The following VAV3 variants were observed in gnomAD, a reference collection of about 807,000 sequenced individuals.
VAV3 encodes guanine nucleotide exchange factor VAV3.
Under a neutral mutation model 131.2 loss-of-function variants are expected in VAV3, and 94 were observed. That is an observed-to-expected ratio of 0.72 (90% CI 0.61 to 0.85). The LOEUF is 0.85. Ranked by LOEUF, VAV3 falls within the 40% of genes least tolerant of loss-of-function variation. The probability of loss-of-function intolerance (pLI) is 0.00; values close to 1 mark genes in which losing one functional copy is unlikely to be tolerated. For synonymous variants in VAV3, 349 were observed against 342.0 expected (o/e 1.02, Z -0.22); for missense variants, 939 against 1,002.7 (o/e 0.94, Z 0.86).
intron 2 of VAV3, chr1:107,785,606 G>A: frequency 8.7e-7 from 1 of 1,152,414 alleles, no homozygotes; most frequent in Middle Eastern, 3.6e-4. Context: ...AGGCACAGAT[G>A]TTGCATCCTG....
chr1:107,656,877 C>G (rs547926583), intron 19 of VAV3, among the ~76,000 whole-genome samples: 1 of 151,372 alleles, frequency 6.6e-6, no homozygotes, highest in East Asian at 1.9e-4. Flanking sequence ...AGCCTAACTT[C>G]TGACCTCAGC....
chr1:107,764,527 AT>A (rs1176921139), intron 9 of VAV3, among the ~76,000 whole-genome samples: 1 of 151,928 alleles, frequency 6.6e-6, no homozygotes, highest in Non-Finnish European at 1.5e-5. Flanking sequence ...CATCTTTTTT[AT>A]TTTGTTTTTG....
chr1:107,617,630 G>T lies in VAV3; in HGVS notation c.1917C>A (p.Gly639=), dbSNP rs1653257616. 10 of 1,588,938 alleles carry T rather than the reference G, an allele frequency of 6.3e-6. No homozygotes were observed. In the East Asian group the frequency reaches 2.0e-4, roughly 32 times the overall value. ...CAACCTCTCCAGATGCTAAATTTCT[G>T]CCCTAAGGAAAAAAAAAAAATGCCA... ...KGDAHSLFWQ[G]RNLASGEVGF... Residue 639 remains glycine (G), a splice_region_variant and synonymous_variant, in exon 21 of 27, where the codon GGC becomes GGA. Transcript: ENST00000370056.
At chr1:107,944,236 C>T (rs999817993) in intron 1 of VAV3, among the ~76,000 whole-genome samples, 2 of 152,194 alleles carry the variant, frequency 1.3e-5, no homozygotes, top group African/African-American at 4.8e-5. Flanking sequence ...TCTACTTACC[C>T]TCTCCCCATG....
chr1:107,847,173 C>T lies in VAV3; in HGVS notation c.321+27728G>A, dbSNP rs370193640. 2.0e-5 allele frequency among the ~76,000 whole-genome samples: 3 copies of T among 152,276 alleles called. No homozygotes were observed. In the East Asian group the frequency reaches 5.8e-4, roughly 29 times the overall value. On this transcript the variant is annotated intron_variant, in intron 2 of 26. Transcript: ENST00000370056. ...CAAACAACCTGCTCCTGAACGACTACTGGGTAAATAACGAAATTAAGGCCA... is the reference window on the plus strand; with the variant it reads ...CAAACAACCTGCTCCTGAACGACTATTGGGTAAATAACGAAATTAAGGCCA...
chr1:107,888,853 C>A (rs1194112113), intron 1 of VAV3, among the ~76,000 whole-genome samples: 1 of 152,006 alleles, frequency 6.6e-6, no homozygotes, highest in Admixed American at 6.6e-5. Flanking sequence ...TATATTTCTA[C>A]CTAATTGATA....
intron 25 of VAV3, among the ~76,000 whole-genome samples, chr1:107,593,966 T>C (rs149535735): frequency 1.2e-3 from 176 of 152,196 alleles, no homozygotes; most frequent in African/African-American, 4.2e-3. Context: ...GTGCTTTATA[T>C]AGAACACCTC....
intron 2 of VAV3, among the ~76,000 whole-genome samples, chr1:107,855,924 C>T: frequency 6.6e-6 from 1 of 152,030 alleles, no homozygotes; most frequent in Non-Finnish European, 1.5e-5. Flanking sequence ...CCACTTCTAC[C>T]CAGAAAACAG....
At chr1:107,709,925 C>T (rs544227889) in intron 15 of VAV3, among the ~76,000 whole-genome samples, 8 of 152,152 alleles carry the variant, frequency 5.3e-5, no homozygotes, top group Non-Finnish European at 1.2e-4. Flanking sequence ...AGTGTGAGAA[C>T]AGACGAATAC....
chr1:107,852,009 G>T (rs949427261), intron 2 of VAV3, among the ~76,000 whole-genome samples: 3 of 151,874 alleles, frequency 2.0e-5, no homozygotes, highest in Non-Finnish European at 4.4e-5. Flanking sequence ...TCCTCATTGA[G>T]GCAGAACTGA....
chr1:107,699,566 T>C (rs927366346), intron 17 of VAV3, among the ~76,000 whole-genome samples: 1 of 152,202 alleles, frequency 6.6e-6, no homozygotes, highest in African/African-American at 2.4e-5. Context: ...GCAGTGGCAG[T>C]GGGGACTCTG....
intron 19 of VAV3, chr1:107,668,979 G>T: frequency 1.0e-6 from 1 of 995,014 alleles, no homozygotes; most frequent in Middle Eastern, 5.1e-4. Context: ...ACGGGTGTGG[G>T]GTTCAGGATT....
At chr1:107,597,895 T>C (rs987585940) in intron 24 of VAV3, among the ~76,000 whole-genome samples, 1 of 152,216 alleles carries the variant, frequency 6.6e-6, no homozygotes, top group African/African-American at 2.4e-5. Flanking sequence ...TGGCTCCTTA[T>C]AACTTTCACT....
chr1:107,747,968 C>CT (rs1193497999), intron 15 of VAV3, among the ~76,000 whole-genome samples: 1 of 151,948 alleles, frequency 6.6e-6, no homozygotes, highest in Admixed American at 6.5e-5. Context: ...TAGAATTTGT[C>CT]AACAACTGGT....
intron 24 of VAV3, among the ~76,000 whole-genome samples, chr1:107,597,653 G>A (rs1230747840): frequency 6.6e-6 from 1 of 152,156 alleles, no homozygotes; most frequent in Non-Finnish European, 1.5e-5. Context: ...AGGTAGAGCA[G>A]GCAGGCTGGA....
At chr1:107,594,269 T>A (rs1441832484) in intron 25 of VAV3, among the ~76,000 whole-genome samples, 1 of 152,100 alleles carries the variant, frequency 6.6e-6, no homozygotes, top group African/African-American at 2.4e-5. Flanking sequence ...GTAAACTCCA[T>A]AAAGGCAGGA....
intron 15 of VAV3, among the ~76,000 whole-genome samples, chr1:107,745,202 AT>A (rs1464907442): frequency 1.3e-5 from 2 of 152,218 alleles, no homozygotes; most frequent in Admixed American, 6.5e-5. Context: ...CAAAAAAAAA[AT>A]AAAACCCTTT....
intron 2 of VAV3, among the ~76,000 whole-genome samples, chr1:107,804,547 T>C (rs1405856063): frequency 1.3e-5 from 2 of 152,168 alleles, no homozygotes; most frequent in Non-Finnish European, 2.9e-5. Flanking sequence ...TTTAACTCCA[T>C]TCTCTCCACA....
chr1:107,638,410 A>T (rs1655090301), intron 20 of VAV3, among the ~76,000 whole-genome samples: 1 of 152,232 alleles, frequency 6.6e-6, no homozygotes, highest in Non-Finnish European at 1.5e-5. Context: ...ACATAAATTA[A>T]AATATTAAAA....
Sources: allele counts gnomAD v4.1 joint callset (sites outside exome capture counted in the v4.1 genomes callset), GRCh38; gene constraint gnomAD v4.1.1; transcripts MANE v1.5; gene names NCBI Gene and HGNC (gene_info 2026-07-23, HGNC 2026-07-21).